The following STK39 variants were observed in gnomAD, a reference collection of about 807,000 sequenced individuals.
The protein encoded by STK39 is serine/threonine kinase 39, also known as STE20/SPS1-related proline-alanine-rich protein kinase.
In STK39, 20 loss-of-function variants were observed where a neutral mutation model predicts 77.8. The observed-to-expected ratio is 0.26, with a 90% CI of 0.18 to 0.37. The LOEUF is 0.37. STK39 is among the 10% of genes least tolerant of loss of function. STK39 has a pLI of 1.00. For missense variants in STK39, 479 were observed against 656.5 expected, an observed-to-expected ratio of 0.73 and a Z score of 2.95; for synonymous variants, 246 against 234.1, an observed-to-expected ratio of 1.05 and a Z score of -0.47.
At chr2:168,084,708 A>C (rs1686323314) in intron 10 of STK39, among the ~76,000 whole-genome samples, 1 of 152,272 alleles carries the variant, frequency 6.6e-6, no homozygotes, top group Non-Finnish European at 1.5e-5. Flanking sequence ...AGATGTGAGC[A>C]GAGAGAGATG....
intron 1 of STK39, among the ~76,000 whole-genome samples, chr2:168,194,472 T>C (rs994223908): frequency 6.6e-6 from 1 of 151,896 alleles, no homozygotes; most frequent in African/African-American, 2.4e-5. Context: ...AGATTCAACA[T>C]TCCCTCTATC....
intron 1 of STK39, among the ~76,000 whole-genome samples, chr2:168,196,575 G>C (rs1475816577): frequency 6.6e-6 from 1 of 152,232 alleles, no homozygotes; most frequent in Non-Finnish European, 1.5e-5. Flanking sequence ...AGAATTGCTT[G>C]AACCTGGGAG....
chr2:168,206,918 T>C (rs1029582951), intron 1 of STK39, among the ~76,000 whole-genome samples: 5 of 152,220 alleles, frequency 3.3e-5, no homozygotes, highest in African/African-American at 1.2e-4. Flanking sequence ...GGAAGACTAA[T>C]GGAAACCTCC....
chr2:168,195,691 CAAG>C (rs1475553905), intron 1 of STK39, among the ~76,000 whole-genome samples: 1 of 152,160 alleles, frequency 6.6e-6, no homozygotes, highest in African/African-American at 2.4e-5. Context: ...GTTAGAGTAA[CAAG>C]AACAAAATGA....
At chr2:168,048,403 G>A (rs868268074) in intron 14 of STK39, among the ~76,000 whole-genome samples, 7 of 152,104 alleles carry the variant, frequency 4.6e-5, no homozygotes, top group Middle Eastern at 6.8e-3. Flanking sequence ...TAGTAGAGAC[G>A]GGGTTTCACC....
At chr2:168,233,800 GA>G (rs1690522527) in intron 1 of STK39, among the ~76,000 whole-genome samples, 2 of 152,058 alleles carry the variant, frequency 1.3e-5, no homozygotes, top group Non-Finnish European at 2.9e-5. Context: ...TTCTGACTAC[GA>G]TATCCAACCA....
At chr2:168,036,429 C>T (rs1369509301) in intron 14 of STK39, among the ~76,000 whole-genome samples, 3 of 146,768 alleles carry the variant, frequency 2.0e-5, no homozygotes, top group African/African-American at 5.2e-5. Flanking sequence ...CCTGGCATCA[C>T]ATAAACCTAA....
intron 1 of STK39, among the ~76,000 whole-genome samples, chr2:168,242,432 C>T (rs1254313586): frequency 6.6e-6 from 1 of 150,616 alleles, no homozygotes; most frequent in Non-Finnish European, 1.5e-5. Flanking sequence ...GCCTGTAATA[C>T]TAGCTACTCG....
At chr2:168,224,680 TTAATAAAACAATAATGTTTA>T (rs1690261317) in intron 1 of STK39, among the ~76,000 whole-genome samples, 1 of 152,244 alleles carries the variant, frequency 6.6e-6, no homozygotes, top group Admixed American at 6.5e-5. Context: ...TGCATAGTTT[TTAATAAAACAATAATGTTTA>T]ATTTTGCTTA....
intron 1 of STK39, among the ~76,000 whole-genome samples, chr2:168,200,913 C>T (rs1461161856): frequency 1.3e-5 from 2 of 152,172 alleles, no homozygotes; most frequent in Non-Finnish European, 2.9e-5. Context: ...GAACACTCTC[C>T]TATTATTAAC....
chr2:168,147,936 C>A (rs1270738335), intron 5 of STK39, among the ~76,000 whole-genome samples: 1 of 152,290 alleles, frequency 6.6e-6, no homozygotes, highest in East Asian at 1.9e-4. Context: ...CAACTGCAAT[C>A]CAGACTTACT....
rs368315603 is a variant in STK39 at position 168,122,317 on chromosome 2, A to G, written c.1089+7224T>C. On this transcript the variant is annotated intron_variant, in intron 10 of 17. Transcript: ENST00000355999. Reference sequence around the variant, plus strand: ...TTTCTGTTCTTGTGCTAGTTTGCTTAGGATAATGGTCTCCACCTCCATCCA... The same window carrying G: ...TTTCTGTTCTTGTGCTAGTTTGCTTGGGATAATGGTCTCCACCTCCATCCA... Among the ~76,000 whole-genome samples, 8 of 152,330 alleles carry G rather than the reference A, an allele frequency of 5.3e-5. No individual in the cohort carries two copies. In the South Asian group the frequency reaches 1.7e-3, roughly 32 times the overall value.
At chr2:168,154,284 A>G (rs1004190679) in intron 5 of STK39, among the ~76,000 whole-genome samples, 5 of 152,212 alleles carry the variant, frequency 3.3e-5, no homozygotes, top group African/African-American at 1.2e-4. Flanking sequence ...TATTAAAGTT[A>G]TCCACTTGTT....
chr2:168,137,823 A>C (rs1687877713), intron 8 of STK39, among the ~76,000 whole-genome samples: 1 of 152,204 alleles, frequency 6.6e-6, no homozygotes, highest in African/African-American at 2.4e-5. Context: ...ATTTCCTTTG[A>C]TGACAGAGCC....
chr2:168,051,969 T>A lies in STK39; in HGVS notation c.1376+11531A>T, dbSNP rs561743552. On this transcript the variant is annotated intron_variant, in intron 14 of 17. Coordinates refer to ENST00000355999, the MANE Select transcript of STK39 (RefSeq NM_013233.3). ...GTGTTTGGCTTCACTCTTCTTTTAG[T>A]GGAAAAAAAAGAATGAGGAAGACTT... 1.4e-3 allele frequency among the ~76,000 whole-genome samples: 205 copies of A among 149,656 alleles called. 1 individual carries two copies. The highest frequency in any genetic ancestry group is 4.1e-3 in the African/African-American group (169 of 40,810).
intron 10 of STK39, among the ~76,000 whole-genome samples, chr2:168,099,149 C>T (rs1374859954): frequency 6.6e-6 from 1 of 152,182 alleles, no homozygotes; most frequent in African/African-American, 2.4e-5. Context: ...CATGAGAGAG[C>T]CCATGCAAAG....
chr2:168,074,294 C>G (rs1012395524), intron 12 of STK39, among the ~76,000 whole-genome samples: 1 of 152,328 alleles, frequency 6.6e-6, no homozygotes, highest in Non-Finnish European at 1.5e-5. Flanking sequence ...ACATTAATTA[C>G]TAGGTCTGTA....
intron 1 of STK39, among the ~76,000 whole-genome samples, chr2:168,183,296 G>T (rs1342913632): frequency 6.6e-6 from 1 of 152,018 alleles, no homozygotes; most frequent in South Asian, 2.1e-4. Flanking sequence ...CCATTCCAGG[G>T]AAGCCCAATT....
chr2:168,240,633 A>G (rs1220904226), intron 1 of STK39, among the ~76,000 whole-genome samples: 1 of 152,262 alleles, frequency 6.6e-6, no homozygotes, highest in Admixed American at 6.5e-5. Flanking sequence ...TGATGAATAT[A>G]GAAGAAACAA....
Sources: gnomAD v4.1 joint callset for allele counts (sites outside exome capture counted in the v4.1 genomes callset) on GRCh38, gnomAD v4.1.1 for gene constraint, MANE v1.5 for transcripts, NCBI Gene and HGNC (gene_info 2026-07-23, HGNC 2026-07-21) for gene names.